The following ACP1 variants were observed in gnomAD, a reference collection of about 807,000 sequenced individuals.
ACP1 encodes the protein low molecular weight phosphotyrosine protein phosphatase.
Under a neutral mutation model 23.4 loss-of-function variants are expected in ACP1, and 23 were observed. That is an observed-to-expected ratio of 0.98 (90% confidence interval 0.71 to 1.39). The LOEUF (loss-of-function observed/expected upper bound fraction) is 1.39, where lower values mean the gene tolerates loss of function less well. Ranked by LOEUF, ACP1 falls within the 40% of genes most tolerant of loss-of-function variation. ACP1 has a pLI of 0.00. For missense variants in ACP1, 180 were observed against 197.7 expected (o/e 0.91, Z 0.54); for synonymous variants, 72 against 67.2 (o/e 1.07, Z -0.35).
intron 1 of ACP1, among the ~76,000 whole-genome samples, chr2:266,090 G>T (rs935780799): frequency 6.6e-6 from 1 of 151,996 alleles, no homozygotes; most frequent in Non-Finnish European, 1.5e-5. Context: ...GAAAAGGTGT[G>T]ATTCCTTATC....
chr2:274,162 C>T (rs1558264145), intron 3 of ACP1, among the ~76,000 whole-genome samples: 1 of 152,082 alleles, frequency 6.6e-6, no homozygotes, highest in Non-Finnish European at 1.5e-5. Flanking sequence ...GACCTTTTCT[C>T]TAAAAACAAA....
intron 1 of ACP1, among the ~76,000 whole-genome samples, chr2:271,181 T>C (rs186930856): frequency 6.6e-6 from 1 of 152,334 alleles, no homozygotes. Context: ...GTGTATTGTT[T>C]TGTGAAACAG....
chr2:275,086 C>G, intron 3 of ACP1, 54 bp from the exon 4 acceptor site: 5 of 861,882 alleles, frequency 5.8e-6, no homozygotes, highest in Non-Finnish European at 6.9e-6. Context: ...TGCTTTGCAT[C>G]CTCTAGGCTT....
rs918377642 is a variant in ACP1 at position 265,008 on chromosome 2, G to A, written c.43+1G>A. 1.2e-6 allele frequency: 2 copies of A among 1,613,088 alleles called. No homozygotes were observed. Among genetic ancestry groups the A allele is most frequent in the South Asian group, 2.2e-5 (2 of 90,940 alleles). The stretch of plus-strand genomic sequence containing the variant: ...AAGTCCGTGCTGTTTGTGTGTCTGG[G>A]TAAGAGGGCGCCGACTTACTCATGT... On this transcript the variant is annotated splice_donor_variant, in intron 1 of 5. Coordinates refer to ENST00000272065, the MANE Select transcript of ACP1 (RefSeq NM_004300.4). LOFTEE classifies it high-confidence loss of function.
chr2:273,248 C>T (rs1222770802), intron 3 of ACP1: 3 of 152,262 alleles, frequency 2.0e-5, no homozygotes, highest in African/African-American at 7.2e-5. Flanking sequence ...GATCCTGCGT[C>T]TCACTATTGT....
chr2:271,813 G>T, intron 1 of ACP1, 53 bp from the exon 2 acceptor site: 1 of 1,411,380 alleles, frequency 7.1e-7, no homozygotes, highest in Non-Finnish European at 1.0e-6. Flanking sequence ...GAGCTGGCAT[G>T]TGCCCTTCCA....
chr2:271,304 G>A (rs780455518), intron 1 of ACP1, among the ~76,000 whole-genome samples: 4 of 152,112 alleles, frequency 2.6e-5, no homozygotes, highest in Non-Finnish European at 5.9e-5. Context: ...AGCACAGATG[G>A]AAAATACCGT....
Position 277,804 on chromosome 2 carries a change from GTTTTAA to G in ACP1, c.*504_*509del, listed in dbSNP as rs1670218124. The G allele has an allele frequency of 6.1e-6, 1 of 162,986 alleles. No homozygotes were observed. The highest frequency in any genetic ancestry group is 1.4e-5 in the Non-Finnish European group (1 of 73,636). 10.1% of individuals were successfully genotyped at this position (162,986 alleles called of 1,614,324 possible). A position where few individuals can be genotyped will look rare whatever the true frequency, so the allele number is the denominator to read the frequency against. ...GGAGCTCACAGTCTAGATTAGAAGTGTTTTAATTTCTACACACCCATAGTGCACACT... is the reference window on the plus strand; with the variant it reads ...GGAGCTCACAGTCTAGATTAGAAGTGTTTCTACACACCCATAGTGCACACT... On this transcript the variant is annotated 3_prime_UTR_variant, in exon 6 of 6. Coordinates refer to ENST00000272065, the MANE Select transcript of ACP1 (RefSeq NM_004300.4).
chr2:275,972 T>G (rs1440917069), intron 4 of ACP1, among the ~76,000 whole-genome samples: 2 of 152,248 alleles, frequency 1.3e-5, no homozygotes, highest in Non-Finnish European at 2.9e-5. Context: ...AATGCATGTA[T>G]TTTTTAATTT....
intron 4 of ACP1, among the ~76,000 whole-genome samples, chr2:276,390 ACT>A (rs1670175892): frequency 6.6e-6 from 1 of 152,126 alleles, no homozygotes; most frequent in Non-Finnish European, 1.5e-5. Context: ...CACGTACCTG[ACT>A]CATCAACTCA....
At position 275,138 on chromosome 2, in the gene ACP1, A is replaced by G; in HGVS notation, c.232-2A>G. On this transcript the variant is annotated splice_acceptor_variant, in intron 3 of 5. Coordinates refer to ENST00000272065, the MANE Select transcript of ACP1 (RefSeq NM_004300.4). LOFTEE classifies it high-confidence loss of function. ...GTGTTTTGACTTCTTATTCAATTTT[A>G]GATTACCAAAGAAGATTTTGCCACA... is the stretch of plus-strand genomic sequence containing the variant. The G allele has an allele frequency of 2.0e-6, 3 of 1,482,316 alleles. No individual in the cohort carries two copies. Among genetic ancestry groups the G allele is most frequent in the Non-Finnish European group, 2.8e-6 (3 of 1,074,818 alleles). The allele number at this position is 1,482,316 out of a possible 1,614,324, so 91.8% of individuals were successfully genotyped here.
intron 1 of ACP1, among the ~76,000 whole-genome samples, chr2:266,648 A>G (rs1459745607): frequency 2.6e-5 from 4 of 152,190 alleles, no homozygotes; most frequent in Non-Finnish European, 4.4e-5. Context: ...TACCGTTGCC[A>G]CCTTAACTAA....
chr2:266,464 A>G (rs1436819899), intron 1 of ACP1: 4 of 152,220 alleles, frequency 2.6e-5, no homozygotes, highest in Non-Finnish European at 4.4e-5. Flanking sequence ...GGCATAATGC[A>G]TCATGGTTGC....
chr2:271,341 A>AG (rs1670025413), intron 1 of ACP1, among the ~76,000 whole-genome samples: 1 of 152,028 alleles, frequency 6.6e-6, no homozygotes, highest in Non-Finnish European at 1.5e-5. Context: ...ACCCATCTGT[A>AG]TGGAGGGCTG....
chr2:276,835 C>G, intron 4 of ACP1, 145 bp from the exon 5 acceptor site: 1 of 603,124 alleles, frequency 1.7e-6, no homozygotes, highest in East Asian at 2.9e-5. Context: ...AGGGGCCACA[C>G]GGGCCTGCTG....
intron 1 of ACP1, among the ~76,000 whole-genome samples, chr2:270,026 CT>C (rs1470032392): frequency 6.6e-6 from 1 of 152,208 alleles, no homozygotes; most frequent in Non-Finnish European, 1.5e-5. Context: ...GCTGCCACAC[CT>C]TTCCACTCTG....
In ACP1 at chr2:277,207, T is replaced by G; in HGVS notation, c.400-20T>G. The G allele has an allele frequency of 6.2e-7, 1 of 1,613,950 alleles. No homozygotes were observed. Among genetic ancestry groups the G allele is most frequent in the East Asian group, 2.2e-5 (1 of 44,878 alleles). On this transcript the variant is annotated intron_variant, in intron 5 of 5. Coordinates refer to ENST00000272065, the MANE Select transcript of ACP1 (RefSeq NM_004300.4). ...TGTTATGCAGGTTTTGCCATTTTCTTCTTTTTCCTGTCCATTTAGGGGAAT... is the reference window on the plus strand; with the variant it reads ...TGTTATGCAGGTTTTGCCATTTTCTGCTTTTTCCTGTCCATTTAGGGGAAT...
intron 1 of ACP1, among the ~76,000 whole-genome samples, chr2:267,064 T>C (rs1669910415): frequency 6.6e-6 from 1 of 152,202 alleles, no homozygotes; most frequent in Non-Finnish European, 1.5e-5. Flanking sequence ...TGGGATGGCA[T>C]GAGAATTTAT....
rs763654173 is a variant in ACP1 at position 264,969 on chromosome 2, C to G, written c.5C>G (p.Ala2Gly). ...GGCGCCTCTGCGCGCGGGAAGATGG[C>G]GGAACAGGCTACCAAGTCCGTGCTG... is the stretch of plus-strand genomic sequence containing the variant. The part of the protein sequence containing the change: M[A>G]EQATKSVLFV... The change falls in exon 1 of 6, where the codon GCG (alanine) becomes GGG (glycine). Residue 2 changes from alanine (A) to glycine (G), a missense_variant. Ala to Gly is a moderately conservative substitution (Grantham distance 60). Coordinates refer to ENST00000272065, the MANE Select transcript of ACP1 (RefSeq NM_004300.4). 1.2e-6 allele frequency: 2 copies of G among 1,612,334 alleles called. No individual in the cohort carries two copies. The highest frequency in any genetic ancestry group is 2.7e-5 in the African/African-American group (2 of 74,666).
Sources: allele counts gnomAD v4.1 joint callset (sites outside exome capture counted in the v4.1 genomes callset), GRCh38; gene constraint gnomAD v4.1.1; transcripts MANE v1.5; gene names NCBI Gene and HGNC (gene_info 2026-07-23, HGNC 2026-07-21).